The following UGT2A2 variants were observed in gnomAD, a reference collection of about 807,000 sequenced individuals.
The protein encoded by UGT2A2 is UDP-glucuronosyltransferase 2A2.
A neutral mutation model predicts 50.7 loss-of-function variants in UGT2A2; 60 were observed. That is an observed-to-expected ratio of 1.18 (90% CI 0.96 to 1.47). UGT2A2 has a LOEUF of 1.47. UGT2A2 is among the 40% of genes most tolerant of loss of function. The pLI is 0.00. For missense variants in UGT2A2, 762 were observed against 634.0 expected (o/e 1.20, Z -2.17); for synonymous variants, 242 against 214.6 (o/e 1.13, Z -1.11).
At chr4:69,615,331 C>A (rs1370346283) in intron 1 of UGT2A2, among the ~76,000 whole-genome samples, 1 of 151,948 alleles carries the variant, frequency 6.6e-6, no homozygotes, top group Non-Finnish European at 1.5e-5. Flanking sequence ...AATAAGACCT[C>A]AGAAGCACAG....
At chr4:69,632,030 T>C (rs1016903395) in intron 1 of UGT2A2, among the ~76,000 whole-genome samples, 1 of 152,204 alleles carries the variant, frequency 6.6e-6, no homozygotes, top group Non-Finnish European at 1.5e-5. Flanking sequence ...AGTTTTTCTT[T>C]ATTCCTAAAA....
chr4:69,596,457 A>T, intron 2 of UGT2A2, 76 bp from the exon 3 acceptor site: 1 of 1,398,268 alleles, frequency 7.2e-7, no homozygotes, highest in South Asian at 1.8e-5. Context: ...ACATTTAAGT[A>T]GGTAAAATTA....
In UGT2A2 at chr4:69,599,414, T is replaced by A; in HGVS notation, c.743-20A>T. 6.2e-7 allele frequency: 1 copy of A among 1,610,206 alleles called. No homozygotes were observed. The highest frequency in any genetic ancestry group is 8.5e-7 in the Non-Finnish European group (1 of 1,179,084). On this transcript the variant is annotated intron_variant, in intron 1 of 5. Transcript: ENST00000604629. ...GTCTTCCTGGAGAAAATGTAACAAG[T>A]TGGATGGAGGAAATTAGCTTATATG...
At chr4:69,616,563 C>A (rs2109927775) in intron 1 of UGT2A2, among the ~76,000 whole-genome samples, 1 of 151,812 alleles carries the variant, frequency 6.6e-6, no homozygotes, top group African/African-American at 2.4e-5. Context: ...TGTACCCCAC[C>A]AACAAAAAGG....
At chr4:69,633,358 T>C (rs1721491096) in intron 1 of UGT2A2, among the ~76,000 whole-genome samples, 2 of 152,260 alleles carry the variant, frequency 1.3e-5, no homozygotes, top group Admixed American at 6.5e-5. Context: ...GGAACCCTAG[T>C]ATATGGCTAG....
chr4:69,591,282 G>C (rs1039589154), intron 5 of UGT2A2, among the ~76,000 whole-genome samples: 2 of 152,148 alleles, frequency 1.3e-5, no homozygotes, highest in African/African-American at 2.4e-5. Context: ...TTTTAGGAAG[G>C]CATAAGACAT....
chr4:69,627,581 A>C (rs542441967), intron 1 of UGT2A2, among the ~76,000 whole-genome samples: 11 of 147,728 alleles, frequency 7.4e-5, no homozygotes, highest in Admixed American at 6.1e-4. Flanking sequence ...AAAGAGAGAA[A>C]GAAAAAAAGA....
At chr4:69,625,714 A>C (rs2109944949) in intron 1 of UGT2A2, among the ~76,000 whole-genome samples, 1 of 151,592 alleles carries the variant, frequency 6.6e-6, no homozygotes, top group South Asian at 2.1e-4. Flanking sequence ...GTAAATTTAA[A>C]ATTTACATAC....
At chr4:69,599,015 A>T (rs1241478057) in intron 2 of UGT2A2, among the ~76,000 whole-genome samples, 1 of 152,098 alleles carries the variant, frequency 6.6e-6, no homozygotes, top group Non-Finnish European at 1.5e-5. Flanking sequence ...AGACACACTG[A>T]TATTTGTAAC....
intron 1 of UGT2A2, among the ~76,000 whole-genome samples, chr4:69,634,540 G>A (rs923457555): frequency 4.6e-5 from 7 of 152,072 alleles, no homozygotes; most frequent in Non-Finnish European, 1.5e-5. Flanking sequence ...GTTGGATAGA[G>A]GGGGAAGGTT....
At chr4:69,618,214 TGTATG>T (rs754300654) in intron 1 of UGT2A2, among the ~76,000 whole-genome samples, 4 of 109,812 alleles carry the variant, frequency 3.6e-5, no homozygotes, top group Admixed American at 1.1e-4. Flanking sequence ...TGTGTGTGTG[TGTATG>T]TTTGTGTGTG....
In UGT2A2 at chr4:69,605,548, C is replaced by A. The variant is rs1158060440; in HGVS notation, c.743-6154G>T. Among the ~76,000 whole-genome samples, 2 of 135,914 alleles carry A rather than the reference C, an allele frequency of 1.5e-5. 1 individual carries two copies. The highest frequency in any genetic ancestry group is 1.5e-4 in the Admixed American group (2 of 13,782). The allele number at this position is 135,914 out of a possible 152,430, so 89.2% of individuals were successfully genotyped here. On this transcript the variant is annotated intron_variant, in intron 1 of 5. Transcript: ENST00000604629. The stretch of plus-strand genomic sequence containing the variant: ...AGAGCATAACACATTCAAGACCTAG[C>A]AGAAGGCAAGAAAAAACTAAGATCA...
chr4:69,635,139 A>T (rs1721602521), intron 1 of UGT2A2, among the ~76,000 whole-genome samples: 1 of 152,220 alleles, frequency 6.6e-6, no homozygotes, highest in African/African-American at 2.4e-5. Flanking sequence ...AAATAAATTT[A>T]AAAAGAGGAG....
intron 5 of UGT2A2, among the ~76,000 whole-genome samples, chr4:69,590,697 T>C (rs571061357): frequency 1.3e-5 from 2 of 151,920 alleles, no homozygotes; most frequent in African/African-American, 4.8e-5. Flanking sequence ...AGAATATAAG[T>C]AAGTAATTTC....
intron 1 of UGT2A2, among the ~76,000 whole-genome samples, chr4:69,601,606 C>T (rs1457925329): frequency 6.6e-6 from 1 of 152,098 alleles, no homozygotes; most frequent in African/African-American, 2.4e-5. Flanking sequence ...CCAGGAGGTC[C>T]TGAGTTTGTC....
Position 69,632,879 on chromosome 4 carries a change from C to T in UGT2A2, c.742+6020G>A, listed in dbSNP as rs559978605. ...ATCCAGCCTGAGCGACAGTGCAAGA[C>T]TCGGTCAAAAAAAAAAAAAAAAGTA... On this transcript the variant is annotated intron_variant, in intron 1 of 5. Transcript: ENST00000604629. Among the ~76,000 whole-genome samples the T allele has an allele frequency of 2.7e-5, 4 of 146,476 alleles. No individual in the cohort carries two copies. The South Asian group carries it at 8.6e-4, about 32-fold the overall frequency.
chr4:69,598,561 T>A (rs1719069125), intron 2 of UGT2A2, among the ~76,000 whole-genome samples: 1 of 152,184 alleles, frequency 6.6e-6, no homozygotes, highest in Admixed American at 6.5e-5. Context: ...AGCTACTTTA[T>A]GCTGATGAAT....
rs759572252 is a variant in UGT2A2 at position 69,639,358 on chromosome 4, A to T, written c.283T>A (p.Leu95Ile). ...CACAGCATTATCATATGCTCAATTA[A>T]GGAATCTATATTGCTCTTCTTGTAG... Reference protein sequence around the residue: ...VSYKKSNIDSLIEHMIMLWID... With the variant: ...VSYKKSNIDSIIEHMIMLWID... Residue 95 changes from leucine to isoleucine, a missense_variant, in exon 1 of 6, where the codon TTA (leucine) becomes ATA (isoleucine). Transcript: ENST00000604629. The T allele has an allele frequency of 6.2e-7, 1 of 1,613,748 alleles. No individual in the cohort carries two copies.
At chr4:69,607,184 G>C (rs112813901) in intron 1 of UGT2A2, among the ~76,000 whole-genome samples, 2,575 of 137,110 alleles carry the variant, frequency 0.019, 17 homozygotes, top group Non-Finnish European at 0.024. Context: ...CAAGGCTACA[G>C]TAACCAAAAC....
Sources: allele counts gnomAD v4.1 joint callset (sites outside exome capture counted in the v4.1 genomes callset), GRCh38; gene constraint gnomAD v4.1.1; transcripts MANE v1.5; gene names NCBI Gene and HGNC (gene_info 2026-07-23, HGNC 2026-07-21).